BNC2: variants seen among roughly 807,000 people sequenced by gnomAD.
BNC2 encodes basonuclin zinc finger protein 2.
In BNC2, 20 loss-of-function variants were observed where a neutral mutation model predicts 76.3. That is an observed-to-expected ratio of 0.26 (90% CI 0.18 to 0.38). The LOEUF is 0.38. Among genes scored for constraint, BNC2 ranks in the 10% least tolerant of loss-of-function variants. The pLI is 1.00. For synonymous variants in BNC2, 582 were observed against 514.8 expected, an observed-to-expected ratio of 1.13 and a Z score of -1.77; for missense variants, 1,382 against 1,399.8, an observed-to-expected ratio of 0.99 and a Z score of 0.20.
intron 5 of BNC2, among the ~76,000 whole-genome samples, chr9:16,480,781 G>A (rs1822035234): frequency 6.6e-6 from 1 of 152,186 alleles, no homozygotes; most frequent in East Asian, 1.9e-4. Context: ...CGCCATGCCT[G>A]AGCCTCCCAC....
At chr9:16,493,474 C>T (rs929656653) in intron 5 of BNC2, among the ~76,000 whole-genome samples, 1 of 152,156 alleles carries the variant, frequency 6.6e-6, no homozygotes, top group Non-Finnish European at 1.5e-5. Flanking sequence ...CTGTAATAAA[C>T]GTGGCAACAT....
At chr9:16,667,752 A>G (rs908616927) in intron 3 of BNC2, among the ~76,000 whole-genome samples, 5 of 152,184 alleles carry the variant, frequency 3.3e-5, no homozygotes, top group Non-Finnish European at 7.3e-5. Flanking sequence ...AAAATATAGC[A>G]TATGTTTTGA....
At chr9:16,455,337 T>G (rs1379387297) in intron 5 of BNC2, among the ~76,000 whole-genome samples, 3 of 152,212 alleles carry the variant, frequency 2.0e-5, no homozygotes, top group African/African-American at 7.2e-5. Context: ...AATAAACACA[T>G]AGATACATGA....
intron 3 of BNC2, among the ~76,000 whole-genome samples, chr9:16,705,904 C>CTAA (rs1034374241): frequency 2.0e-5 from 3 of 152,156 alleles, no homozygotes; most frequent in African/African-American, 7.2e-5. Flanking sequence ...CTACACTTAA[C>CTAA]CATTTTTATT....
intron 3 of BNC2, among the ~76,000 whole-genome samples, chr9:16,655,134 T>C (rs1821892536): frequency 6.6e-6 from 1 of 151,628 alleles, no homozygotes; most frequent in African/African-American, 2.4e-5. Context: ...CCTTGCCACA[T>C]TATGCTTCAT....
rs201860327 is a variant in BNC2 at position 16,726,004 on chromosome 9, A to G, written c.330+1793T>C. ...CCTTCTAACACACACACACACACGC[A>G]CACACACACACACGACCTCCACTAA... On this transcript the variant is annotated intron_variant, in intron 3 of 6. Transcript: ENST00000380672. Among the ~76,000 whole-genome samples the G allele has an allele frequency of 7.8e-3, 718 of 91,836 alleles. 7 individuals carry two copies. The highest frequency in any genetic ancestry group is 0.032 in the African/African-American group (654 of 20,302). 60.2% of individuals were successfully genotyped at this position (91,836 alleles called of 152,430 possible). A position where few individuals can be genotyped will look rare whatever the true frequency, so the allele number is the denominator to read the frequency against.
chr9:16,418,878 C>CACAG lies in BNC2; in HGVS notation c.*110_*111insCTGT. The CACAG allele has an allele frequency of 5.2e-6, 6 of 1,163,908 alleles. No homozygotes were observed. The highest frequency in any genetic ancestry group is 4.6e-5 in the African/African-American group (3 of 64,740). 72.1% of individuals were successfully genotyped at this position (1,163,908 alleles called of 1,614,324 possible). ...GCCACAGAGCATACATAAATGCACACACACACACACACACACACACACCCC... is the reference window on the plus strand; with the variant it reads ...GCCACAGAGCATACATAAATGCACACACAGACACACACACACACACACACACCCC... On this transcript the variant is annotated 3_prime_UTR_variant, in exon 7 of 7. Transcript: ENST00000380672.
intron 5 of BNC2, among the ~76,000 whole-genome samples, chr9:16,537,562 G>A (rs1050734355): frequency 6.6e-6 from 1 of 152,008 alleles, no homozygotes; most frequent in Non-Finnish European, 1.5e-5. Flanking sequence ...CACCACAATG[G>A]TATTTAAATT....
intron 1 of BNC2, among the ~76,000 whole-genome samples, chr9:16,743,824 G>C (rs1341460376): frequency 6.6e-6 from 1 of 152,166 alleles, no homozygotes; most frequent in Non-Finnish European, 1.5e-5. Flanking sequence ...ACCATAAAGA[G>C]GCTTATGGTG....
intron 1 of BNC2, among the ~76,000 whole-genome samples, chr9:16,827,716 A>G (rs1187913707): frequency 6.6e-6 from 1 of 152,200 alleles, no homozygotes; most frequent in East Asian, 1.9e-4. Context: ...ACGTGTGTAA[A>G]AGAGTATCAT....
intron 3 of BNC2, among the ~76,000 whole-genome samples, chr9:16,722,672 C>A (rs941355979): frequency 3.3e-5 from 5 of 152,154 alleles, no homozygotes; most frequent in Admixed American, 1.3e-4. Flanking sequence ...TTAAATGAAT[C>A]ATGTTGAAAA....
chr9:16,457,098 T>G (rs1203261705), intron 5 of BNC2, among the ~76,000 whole-genome samples: 1 of 152,210 alleles, frequency 6.6e-6, no homozygotes, highest in East Asian at 1.9e-4. Context: ...TAAATGAATT[T>G]GCAGTAATAT....
chr9:16,552,413 G>A (rs775212424), intron 5 of BNC2, 117 bp downstream of exon 5: 34 of 851,404 alleles, frequency 4.0e-5, no homozygotes, highest in South Asian at 8.6e-5. Flanking sequence ...CTGCTGAAAC[G>A]ACCACTTTAA....
chr9:16,695,971 C>G (rs915312673), intron 3 of BNC2, among the ~76,000 whole-genome samples: 1 of 152,166 alleles, frequency 6.6e-6, no homozygotes, highest in Non-Finnish European at 1.5e-5. Flanking sequence ...CAGAACCATA[C>G]ATCATTATTA....
At chr9:16,556,375 T>G (rs1818831855) in intron 4 of BNC2, among the ~76,000 whole-genome samples, 1 of 152,074 alleles carries the variant, frequency 6.6e-6, no homozygotes, top group Non-Finnish European at 1.5e-5. Context: ...AAAGGCGGAC[T>G]AGATATTTAA....
intron 1 of BNC2, among the ~76,000 whole-genome samples, chr9:16,790,051 G>C (rs1010547712): frequency 1.3e-5 from 2 of 152,204 alleles, no homozygotes; most frequent in Non-Finnish European, 2.9e-5. Flanking sequence ...CTAGGCTGGA[G>C]TGCAGTGGCG....
intron 1 of BNC2, among the ~76,000 whole-genome samples, chr9:16,835,514 C>T (rs1456730925): frequency 2.0e-5 from 3 of 151,764 alleles, no homozygotes; most frequent in Non-Finnish European, 2.9e-5. Flanking sequence ...GCCTGACCAA[C>T]ATGGTGAAAC....
chr9:16,838,176 A>G (rs115911509), intron 1 of BNC2, among the ~76,000 whole-genome samples: 1,846 of 152,316 alleles, frequency 0.012, 41 homozygotes, highest in African/African-American at 0.042. Flanking sequence ...CCTACCACAT[A>G]TTTTTAACCA....
At chr9:16,759,028 G>A (rs1825475303) in intron 1 of BNC2, among the ~76,000 whole-genome samples, 1 of 152,178 alleles carries the variant, frequency 6.6e-6, no homozygotes, top group Non-Finnish European at 1.5e-5. Flanking sequence ...ATTTTTAGCA[G>A]TAATAAATTC....
Sources: allele counts gnomAD v4.1 joint callset (sites outside exome capture counted in the v4.1 genomes callset), GRCh38; gene constraint gnomAD v4.1.1; transcripts MANE v1.5; gene names NCBI Gene and HGNC (gene_info 2026-07-23, HGNC 2026-07-21).